PEAK1: variants seen among roughly 807,000 people sequenced by gnomAD.
PEAK1 encodes the protein pseudopodium enriched atypical kinase 1, also known as inactive tyrosine-protein kinase PEAK1.
In PEAK1, 54 loss-of-function variants were observed where a neutral mutation model predicts 124.7. That is an observed-to-expected ratio of 0.43 (90% CI 0.35 to 0.54). PEAK1 has a LOEUF of 0.54. Among genes scored for constraint, PEAK1 ranks in the 20% least tolerant of loss-of-function variants. The probability of loss-of-function intolerance (pLI) is 0.01; values close to 1 mark genes in which losing one functional copy is unlikely to be tolerated. For missense variants in PEAK1, 2,046 were observed against 2,134.5 expected (o/e 0.96, Z 0.82); for synonymous variants, 719 against 760.0 (o/e 0.95, Z 0.89).
At chr15:77,142,099 G>A (rs927640359) in intron 8 of PEAK1, among the ~76,000 whole-genome samples, 1 of 152,122 alleles carries the variant, frequency 6.6e-6, no homozygotes, top group Non-Finnish European at 1.5e-5. Flanking sequence ...TCTGATAAGA[G>A]ACTTATATTC....
At chr15:77,402,338 T>G (rs1405751616) in intron 1 of PEAK1, 1 of 985,150 alleles carries the variant, frequency 1.0e-6, no homozygotes, top group Admixed American at 6.2e-5. Context: ...AGGGAATAAA[T>G]CAAGGGAAAA....
chr15:77,115,151 C>G lies in PEAK1; in HGVS notation c.4246G>C (p.Asp1416His), dbSNP rs1270007590. 6.2e-7 allele frequency: 1 copy of G among 1,614,118 alleles called. No individual in the cohort carries two copies. Among genetic ancestry groups the G allele is most frequent in the Non-Finnish European group, 8.5e-7 (1 of 1,180,004 alleles). Residue 1416 changes from aspartate (D) to histidine (H), a missense_variant, in exon 10 of 10, where the codon GAT becomes CAT. By Grantham distance (81) the Asp-to-His change is moderately conservative. Coordinates refer to ENST00000682557, the MANE Select transcript of PEAK1 (RefSeq NM_001385026.1). Reference protein sequence around the residue: ...EDPDDPEKDEDDMEETEEDAK... With the variant: ...EDPDDPEKDEHDMEETEEDAK... ...TCTTCTTCAGTCTCTTCCATGTCAT[C>G]CTCATCCTTTTCAGGGTCATCTGGA...
Position 77,134,776 on chromosome 15 carries a change from G to A in PEAK1, c.3332-1026C>T, listed in dbSNP as rs117290261. 4.6e-3 allele frequency among the ~76,000 whole-genome samples: 697 copies of A among 152,198 alleles called. 7 individuals are homozygous for A. The highest frequency in any genetic ancestry group is 0.014 in the Admixed American group (218 of 15,286). On this transcript the variant is annotated intron_variant, in intron 8 of 9. Transcript: ENST00000682557. Reference sequence around the variant, plus strand: ...GAGTTATAAGGCTCTGTTATGGGTTGAATTATATCCCCCAAAAAGGTATGT... The same window carrying A: ...GAGTTATAAGGCTCTGTTATGGGTTAAATTATATCCCCCAAAAAGGTATGT...
intron 2 of PEAK1, among the ~76,000 whole-genome samples, chr15:77,318,364 A>C (rs1281371600): frequency 6.6e-6 from 1 of 152,208 alleles, no homozygotes; most frequent in African/African-American, 2.4e-5. Context: ...TTAACTTAAA[A>C]GTTTTCAAAT....
rs199895463 is a variant in PEAK1 at position 77,258,327 on chromosome 15, T to A, written c.-274-5801A>T. On this transcript the variant is annotated intron_variant, in intron 5 of 9. Transcript: ENST00000682557. ...ATAAATTACCTTGGGCAGTATGGCC[T>A]TTTTCATGATATTGATTCTTCCTAC... is the stretch of plus-strand genomic sequence containing the variant. 1.5e-3 allele frequency among the ~76,000 whole-genome samples: 235 copies of A among 152,234 alleles called. 7 individuals carry two copies. The East Asian group carries it at 0.036, about 23-fold the overall frequency.
intron 6 of PEAK1, among the ~76,000 whole-genome samples, chr15:77,211,628 C>A (rs970429118): frequency 1.3e-5 from 2 of 152,012 alleles, no homozygotes; most frequent in African/African-American, 2.4e-5. Flanking sequence ...GTGGGTCGAT[C>A]ATCTGAGGTC....
intron 2 of PEAK1, among the ~76,000 whole-genome samples, chr15:77,318,170 T>TACACACAC (rs10635105): frequency 6.6e-6 from 1 of 151,002 alleles, no homozygotes; most frequent in Non-Finnish European, 1.5e-5. Flanking sequence ...CATGCATGCA[T>TACACACAC]ACACACACAC....
chr15:77,298,110 G>C (rs1322435012), intron 2 of PEAK1, among the ~76,000 whole-genome samples: 1 of 141,944 alleles, frequency 7.0e-6, no homozygotes, highest in African/African-American at 2.6e-5. Context: ...AGTATTTCAG[G>C]TCAAGTCACA....
chr15:77,337,051 A>G (rs550982538), intron 2 of PEAK1: 3 of 884,548 alleles, frequency 3.4e-6, no homozygotes, highest in African/African-American at 3.6e-5. Flanking sequence ...TTTATGGAGG[A>G]AACAGAATGA....
intron 2 of PEAK1, among the ~76,000 whole-genome samples, chr15:77,332,851 T>A (rs1409188396): frequency 1.4e-5 from 2 of 145,250 alleles, no homozygotes; most frequent in Non-Finnish European, 2.9e-5. Flanking sequence ...AGGCACTTCA[T>A]TTTTTTTAAT....
At chr15:77,312,758 C>T (rs1056814897) in intron 2 of PEAK1, among the ~76,000 whole-genome samples, 1 of 152,202 alleles carries the variant, frequency 6.6e-6, no homozygotes, top group African/African-American at 2.4e-5. Flanking sequence ...AAAAATATCT[C>T]CCATAAGGTT....
intron 5 of PEAK1, among the ~76,000 whole-genome samples, chr15:77,259,607 T>C (rs1240251412): frequency 6.6e-6 from 1 of 152,178 alleles, no homozygotes; most frequent in East Asian, 1.9e-4. Flanking sequence ...TCTACAATAA[T>C]TCAACTTCTG....
At chr15:77,161,467 T>A (rs2055633394) in intron 7 of PEAK1, among the ~76,000 whole-genome samples, 1 of 152,240 alleles carries the variant, frequency 6.6e-6, no homozygotes, top group Admixed American at 6.5e-5. Flanking sequence ...ACTGGTATAT[T>A]AAATCATCAA....
intron 6 of PEAK1, among the ~76,000 whole-genome samples, chr15:77,243,964 T>C (rs2060467117): frequency 6.6e-6 from 1 of 151,392 alleles, no homozygotes; most frequent in Non-Finnish European, 1.5e-5. Flanking sequence ...GTGAAACTCT[T>C]TCTCAAAATA....
intron 1 of PEAK1, among the ~76,000 whole-genome samples, chr15:77,378,890 G>A (rs2069245788): frequency 6.6e-6 from 1 of 152,164 alleles, no homozygotes; most frequent in African/African-American, 2.4e-5. Flanking sequence ...CTTTAGCCAA[G>A]CACAAACATG....
chr15:77,234,937 T>C (rs2152901691), intron 6 of PEAK1, among the ~76,000 whole-genome samples: 1 of 152,300 alleles, frequency 6.6e-6, no homozygotes, highest in East Asian at 1.9e-4. Context: ...CATGCTATTC[T>C]CATGATAGTG....
chr15:77,123,210 ATT>A (rs2052075892), intron 9 of PEAK1, among the ~76,000 whole-genome samples: 2 of 152,230 alleles, frequency 1.3e-5, no homozygotes, highest in African/African-American at 4.8e-5. Context: ...TAACTAAAAA[ATT>A]TATACTTTTT....
At chr15:77,231,350 G>C (rs1190410451) in intron 6 of PEAK1, among the ~76,000 whole-genome samples, 6 of 152,158 alleles carry the variant, frequency 3.9e-5, no homozygotes, top group African/African-American at 1.4e-4. Context: ...AATAAAAAAG[G>C]AATCTCTACT....
intron 5 of PEAK1, among the ~76,000 whole-genome samples, chr15:77,260,772 T>C (rs576327993): frequency 6.6e-6 from 1 of 151,488 alleles, no homozygotes; most frequent in East Asian, 1.9e-4. Flanking sequence ...TTGAAGAGAG[T>C]AGTGGTTCTC....
Sources: gnomAD v4.1 joint callset for allele counts (sites outside exome capture counted in the v4.1 genomes callset) on GRCh38, gnomAD v4.1.1 for gene constraint, MANE v1.5 for transcripts, NCBI Gene and HGNC (gene_info 2026-07-23, HGNC 2026-07-21) for gene names.